The following NSMCE2 variants were observed in gnomAD, a reference collection of about 807,000 sequenced individuals.
The protein encoded by NSMCE2 is NSE2 SUMO ligase component of SMC5/6 complex.
A neutral mutation model predicts 23.8 loss-of-function variants in NSMCE2; 24 were observed. The ratio of observed to expected loss-of-function variants is 1.01; its 90% CI spans 0.73 to 1.42. The LOEUF is 1.42. Ranked by LOEUF, NSMCE2 falls within the 40% of genes most tolerant of loss-of-function variation. The pLI is 0.00. For synonymous variants in NSMCE2, 92 were observed against 94.1 expected (o/e 0.98, Z 0.13); for missense variants, 284 against 296.5 (o/e 0.96, Z 0.31).
intron 5 of NSMCE2, among the ~76,000 whole-genome samples, chr8:125,291,315 TG>T (rs1586726961): frequency 6.6e-6 from 1 of 152,200 alleles, no homozygotes; most frequent in East Asian, 1.9e-4. Context: ...CATTAGAGCA[TG>T]GGTTGCTAAA....
In NSMCE2 at chr8:125,324,535, A is replaced by AC; in HGVS notation, c.419-32684_419-32683insC. 1.3e-5 allele frequency among the ~76,000 whole-genome samples: 2 copies of AC among 150,972 alleles called. 1 individual carries two copies. Among genetic ancestry groups the AC allele is most frequent in the Non-Finnish European group, 3.0e-5 (2 of 67,776 alleles). On this transcript the variant is annotated intron_variant, in intron 5 of 7. Coordinates refer to ENST00000287437, the MANE Select transcript of NSMCE2 (RefSeq NM_173685.4). Reference sequence around the variant, plus strand: ...TGCCAGACCAAAAAAAAAAAAAAAAAAGAGCATATCCTATGTGATTCCATT... The same window carrying AC: ...TGCCAGACCAAAAAAAAAAAAAAAAACAGAGCATATCCTATGTGATTCCATT...
chr8:125,359,207 C>T (rs1309957906), intron 7 of NSMCE2, among the ~76,000 whole-genome samples: 1 of 144,816 alleles, frequency 6.9e-6, no homozygotes, highest in Non-Finnish European at 1.5e-5. Context: ...GCGGAGCTTG[C>T]AGTGAGCCGA....
At chr8:125,110,762 G>GTT (rs1017002301) in intron 3 of NSMCE2, among the ~76,000 whole-genome samples, 455 of 41,594 alleles carry the variant, frequency 0.011, 1 homozygote, top group Admixed American at 0.013. Flanking sequence ...GGTTGTTGTT[G>GTT]TTTTTTTTTT....
At chr8:125,253,448 C>T (rs181655322) in intron 5 of NSMCE2, among the ~76,000 whole-genome samples, 176 of 152,246 alleles carry the variant, frequency 1.2e-3, no homozygotes, top group Non-Finnish European at 2.0e-3. Context: ...TGCAATATAC[C>T]TTAGATGCAG....
intron 5 of NSMCE2, among the ~76,000 whole-genome samples, chr8:125,330,181 CTT>C (rs796167561): frequency 2.2e-5 from 3 of 136,588 alleles, no homozygotes; most frequent in Admixed American, 7.6e-5. Context: ...TTTTTTCTTT[CTT>C]TTTTTTTTTT....
At chr8:125,356,485 T>C (rs1000374796) in intron 5 of NSMCE2, among the ~76,000 whole-genome samples, 11 of 151,970 alleles carry the variant, frequency 7.2e-5, no homozygotes, top group African/African-American at 2.7e-4. Flanking sequence ...CATGCCACCA[T>C]GCCCAGCTAA....
intron 3 of NSMCE2, among the ~76,000 whole-genome samples, chr8:125,121,710 A>G (rs1037566600): frequency 5.9e-5 from 9 of 152,114 alleles, no homozygotes; most frequent in Admixed American, 1.3e-4. Context: ...CCAACTTGTG[A>G]TGCTTTTTGT....
At chr8:125,216,829 C>T (rs1039100538) in intron 5 of NSMCE2, among the ~76,000 whole-genome samples, 4 of 152,064 alleles carry the variant, frequency 2.6e-5, no homozygotes, top group East Asian at 1.9e-4. Context: ...CTGGAATTTT[C>T]GGGTAAAGAC....
At chr8:125,336,733 T>C (rs1265259415) in intron 5 of NSMCE2, among the ~76,000 whole-genome samples, 4 of 152,262 alleles carry the variant, frequency 2.6e-5, no homozygotes, top group African/African-American at 9.6e-5. Flanking sequence ...TTTGGAGAAC[T>C]GCGAGTTCCT....
At chr8:125,345,112 G>C (rs1278043256) in intron 5 of NSMCE2, among the ~76,000 whole-genome samples, 1 of 152,060 alleles carries the variant, frequency 6.6e-6, no homozygotes, top group Non-Finnish European at 1.5e-5. Context: ...GATGGTTTCT[G>C]GCCAGGGAAT....
chr8:125,326,859 G>A (rs111602506), intron 5 of NSMCE2, among the ~76,000 whole-genome samples: 10,477 of 151,696 alleles, frequency 0.069, 1,173 homozygotes, highest in African/African-American at 0.24. Flanking sequence ...AGGAGACTGA[G>A]TCAGGAGAAT....
At chr8:125,206,158 T>A (rs1257803054) in intron 5 of NSMCE2, among the ~76,000 whole-genome samples, 1 of 151,990 alleles carries the variant, frequency 6.6e-6, no homozygotes, top group Non-Finnish European at 1.5e-5. Context: ...CGTGACCAGG[T>A]AAGGAAATAC....
intron 5 of NSMCE2, among the ~76,000 whole-genome samples, chr8:125,209,081 G>A (rs1219560573): frequency 1.3e-5 from 2 of 152,096 alleles, no homozygotes; most frequent in Non-Finnish European, 2.9e-5. Flanking sequence ...TGAGTGGCTG[G>A]GACTACAGCC....
At chr8:125,291,772 G>A (rs7008046) in intron 5 of NSMCE2, among the ~76,000 whole-genome samples, 1 of 152,114 alleles carries the variant, frequency 6.6e-6, no homozygotes, top group African/African-American at 2.4e-5. Flanking sequence ...GCCAGATCTC[G>A]TAAACAATAA....
intron 5 of NSMCE2, among the ~76,000 whole-genome samples, chr8:125,313,349 C>G (rs1829053085): frequency 1.3e-5 from 2 of 152,008 alleles, no homozygotes; most frequent in African/African-American, 4.8e-5. Flanking sequence ...AGAGGCAGCC[C>G]TGATAAAAGT....
At chr8:125,363,646 G>A (rs577992893) in intron 7 of NSMCE2, among the ~76,000 whole-genome samples, 9 of 133,998 alleles carry the variant, frequency 6.7e-5, no homozygotes, top group African/African-American at 2.5e-4. Flanking sequence ...GAAGAGAGGA[G>A]GAGGAAGGAG....
intron 5 of NSMCE2, among the ~76,000 whole-genome samples, chr8:125,330,867 C>CA (rs1417494969): frequency 6.6e-6 from 1 of 152,120 alleles, no homozygotes; most frequent in Admixed American, 6.5e-5. Context: ...ACTAGGTGAC[C>CA]ACAGCTCCTT....
At chr8:125,136,142 A>C (rs1296009491) in intron 3 of NSMCE2, among the ~76,000 whole-genome samples, 1 of 152,182 alleles carries the variant, frequency 6.6e-6, no homozygotes, top group Non-Finnish European at 1.5e-5. Flanking sequence ...TTGAGACAGC[A>C]GACAAATCTA....
In NSMCE2 at chr8:125,286,608, C is replaced by T. The variant is rs144583280; in HGVS notation, c.419-70611C>T. Among the ~76,000 whole-genome samples the T allele has an allele frequency of 2.2e-3, 339 of 152,134 alleles. 1 individual carries two copies. Among genetic ancestry groups the T allele is most frequent in the African/African-American group, 7.4e-3 (308 of 41,524 alleles). ...GATTACAGGCATGAGCCACTGCGCC[C>T]GGCCCAAATAACATCTTTTATGTGC... is the stretch of plus-strand genomic sequence containing the variant. On this transcript the variant is annotated intron_variant, in intron 5 of 7. Coordinates refer to ENST00000287437, the MANE Select transcript of NSMCE2 (RefSeq NM_173685.4).
Sources: gnomAD v4.1 joint callset for allele counts (sites outside exome capture counted in the v4.1 genomes callset) on GRCh38, gnomAD v4.1.1 for gene constraint, MANE v1.5 for transcripts, NCBI Gene and HGNC (gene_info 2026-07-23, HGNC 2026-07-21) for gene names.